The following TRPA1 variants were observed in gnomAD, a reference collection of about 807,000 sequenced individuals.
The protein encoded by TRPA1 is ankyrin-like with transmembrane domains 1.
TRPA1 carries 129 observed loss-of-function variants against 131.3 expected under a neutral mutation model. That is an observed-to-expected ratio of 0.98 (90% CI 0.85 to 1.14). The LOEUF is 1.14. Ranked by LOEUF, TRPA1 falls within the 50% of genes most tolerant of loss-of-function variation. The pLI, the probability that TRPA1 is intolerant of heterozygous loss-of-function variation, is 0.00. For missense variants in TRPA1, 1,304 were observed against 1,354.2 expected (o/e 0.96, Z 0.58); for synonymous variants, 441 against 451.7 (o/e 0.98, Z 0.30).
chr8:72,051,023 T>C (rs1025928), intron 14 of TRPA1, 152 bp from the exon 15 acceptor site: 383,500 of 619,080 alleles, frequency 0.62, 120,348 homozygotes, highest in Admixed American at 0.77. Context: ...GGAACCAACA[T>C]GTAAAGCAAG....
intron 7 of TRPA1, among the ~76,000 whole-genome samples, chr8:72,059,956 C>T (rs959235250): frequency 1.4e-4 from 22 of 152,234 alleles, no homozygotes; most frequent in African/African-American, 5.1e-4. Context: ...GGTATCATCT[C>T]ACAGGCAGTC....
At chr8:72,056,865 TA>T in intron 10 of TRPA1, 51 bp downstream of exon 10, 2 of 1,231,750 alleles carry the variant, frequency 1.6e-6, no homozygotes, top group Non-Finnish European at 2.3e-6. Context: ...AAAATTAGTT[TA>T]TTTTCTGTTG....
intron 25 of TRPA1, 115 bp downstream of exon 25, chr8:72,025,845 G>T: frequency 1.2e-6 from 1 of 868,822 alleles, no homozygotes; most frequent in Non-Finnish European, 1.9e-6. Flanking sequence ...CAACTCCTCT[G>T]CCCACAGGCA....
chr8:72,064,264 AAT>A (rs10554779), intron 4 of TRPA1, among the ~76,000 whole-genome samples: 83,211 of 147,700 alleles, frequency 0.56, 23,907 homozygotes, highest in East Asian at 0.69. Flanking sequence ...ATATATATAT[AAT>A]ATATATATAT....
intron 24 of TRPA1, among the ~76,000 whole-genome samples, chr8:72,026,974 C>T (rs1385461684): frequency 1.3e-5 from 2 of 152,068 alleles, no homozygotes; most frequent in African/African-American, 4.8e-5. Flanking sequence ...ATTTTTATAG[C>T]ACTTATCACC....
At chr8:72,063,343 G>A (rs1470387966) in intron 5 of TRPA1, 120 bp downstream of exon 5, 5 of 706,660 alleles carry the variant, frequency 7.1e-6, no homozygotes, top group Non-Finnish European at 9.6e-6. Flanking sequence ...TCACACCACT[G>A]CACTCCAGCC....
chr8:72,035,091 C>A (rs973056257), intron 21 of TRPA1, among the ~76,000 whole-genome samples: 1 of 152,168 alleles, frequency 6.6e-6, no homozygotes, highest in African/African-American at 2.4e-5. Flanking sequence ...TTCTTTTCTA[C>A]CCCCTGCATC....
intron 24 of TRPA1, among the ~76,000 whole-genome samples, chr8:72,027,056 G>A (rs1191732307): frequency 6.6e-6 from 1 of 152,012 alleles, no homozygotes; most frequent in Non-Finnish European, 1.5e-5. Flanking sequence ...AATAATACCA[G>A]TTAAATATTT....
chr8:72,061,554 C>G, intron 7 of TRPA1, 71 bp downstream of exon 7: 1 of 1,582,220 alleles, frequency 6.3e-7, no homozygotes. Flanking sequence ...GTGCTAACTG[C>G]TCCTTGCAAT....
intron 7 of TRPA1, among the ~76,000 whole-genome samples, chr8:72,060,122 T>C (rs1805772978): frequency 6.6e-6 from 1 of 151,720 alleles, no homozygotes; most frequent in East Asian, 1.9e-4. Flanking sequence ...GACAAGAGGT[T>C]GCATTATATT....
chr8:72,039,181 T>C (rs550425037), intron 18 of TRPA1, among the ~76,000 whole-genome samples, 154 bp from the exon 19 acceptor site: 2 of 152,204 alleles, frequency 1.3e-5, no homozygotes, highest in South Asian at 2.1e-4. Context: ...TTCACCTTTT[T>C]CATTTTCAGA....
chr8:72,052,464 A>T (rs1805533257), intron 14 of TRPA1, 135 bp downstream of exon 14: 25 of 1,051,704 alleles, frequency 2.4e-5, no homozygotes, highest in Non-Finnish European at 3.3e-5. Context: ...CCTTTAAAAA[A>T]TTGATGTAAA....
intron 15 of TRPA1, among the ~76,000 whole-genome samples, chr8:72,049,044 T>C (rs1013197691): frequency 1.1e-4 from 16 of 152,166 alleles, no homozygotes; most frequent in African/African-American, 3.4e-4. Flanking sequence ...TGATGAGATG[T>C]AGGCACCTAA....
At chr8:72,047,967 C>T (rs1805389197) in intron 15 of TRPA1, among the ~76,000 whole-genome samples, 2 of 151,930 alleles carry the variant, frequency 1.3e-5, no homozygotes, top group South Asian at 4.1e-4. Context: ...ATCTTCTGAA[C>T]TGCCCCAGTC....
At chr8:72,077,262 G>T (rs1316808280), upstream of TRPA1, among the ~76,000 whole-genome samples, 2 of 130,652 alleles carry the variant, frequency 1.5e-5, no homozygotes, top group Non-Finnish European at 3.2e-5. Context: ...TGGCCCTGTT[G>T]GCCCCGAGAG....
the TRPA1 span, among the ~76,000 whole-genome samples, chr8:72,086,495 A>AT: frequency 2.6e-5 from 4 of 152,096 alleles, no homozygotes; most frequent in Admixed American, 6.5e-5. Flanking sequence ...AATTGTCCTT[A>AT]TTTTGGCTTC....
In TRPA1 at chr8:72,044,706, G is replaced by C. The variant is rs1411016925; in HGVS notation, c.2061+1807C>G. Among the ~76,000 whole-genome samples the C allele has an allele frequency of 2.0e-5, 3 of 151,868 alleles. No individual in the cohort carries two copies. In the East Asian group the frequency reaches 5.8e-4, roughly 29 times the overall value. ...TCTGATTTCTTATGTTCTCTATTTG[G>C]TGCATCTAGACTTTCAAATTTTCTG... On this transcript the variant is annotated intron_variant, in intron 17 of 26. Coordinates refer to ENST00000262209, the MANE Select transcript of TRPA1 (RefSeq NM_007332.3).
At chr8:72,054,382 T>C (rs1805607442) in intron 12 of TRPA1, 2 of 155,544 alleles carry the variant, frequency 1.3e-5, no homozygotes, top group African/African-American at 2.4e-5. Context: ...TCTAAAAAGC[T>C]TCCCTCTTGT....
At chr8:72,044,514 G>A (rs1356107266) in intron 17 of TRPA1, among the ~76,000 whole-genome samples, 1 of 151,912 alleles carries the variant, frequency 6.6e-6, no homozygotes. Flanking sequence ...CTTGAGGCAT[G>A]CAAGTACATT....
Sources: allele counts gnomAD v4.1 joint callset (sites outside exome capture counted in the v4.1 genomes callset), GRCh38; gene constraint gnomAD v4.1.1; transcripts MANE v1.5; gene names NCBI Gene and HGNC (gene_info 2026-07-23, HGNC 2026-07-21).